Variants in SLC30A4 observed in about 807,000 individuals in gnomAD.
SLC30A4 encodes the protein solute carrier family 30 member 4.
A neutral mutation model predicts 41.7 loss-of-function variants in SLC30A4; 20 were observed. The observed-to-expected ratio is 0.48, with a 90% CI of 0.34 to 0.70. The LOEUF is 0.70. SLC30A4 is among the 30% of genes least tolerant of loss of function. The pLI, the probability that SLC30A4 is intolerant of heterozygous loss-of-function variation, is 0.01. For synonymous variants in SLC30A4, 181 were observed against 195.9 expected (o/e 0.92, Z 0.64); for missense variants, 441 against 529.3 (o/e 0.83, Z 1.64).
intron 2 of SLC30A4, among the ~76,000 whole-genome samples, chr15:45,513,382 C>CTT (rs746584532): frequency 7.3e-6 from 1 of 136,642 alleles, no homozygotes; most frequent in Non-Finnish European, 1.6e-5. Context: ...ATCTTTTTAT[C>CTT]TTTTTTTTTT....
chr15:45,497,548 A>T (rs1172950820), intron 3 of SLC30A4, among the ~76,000 whole-genome samples: 7 of 152,284 alleles, frequency 4.6e-5, no homozygotes, highest in African/African-American at 1.4e-4. Context: ...ATAGTCAATG[A>T]TCTAATAAAA....
intron 2 of SLC30A4, 60 bp from the exon 3 acceptor site, chr15:45,511,344 C>G: frequency 7.9e-7 from 1 of 1,272,158 alleles, no homozygotes; most frequent in Non-Finnish European, 1.1e-6. Context: ...AGCAAGCAAT[C>G]AAACTAGAAA....
intron 6 of SLC30A4, 142 bp from the exon 7 acceptor site, chr15:45,486,887 G>A: frequency 1.9e-6 from 1 of 516,758 alleles, no homozygotes; most frequent in Admixed American, 3.4e-5. Context: ...AATACTTCAA[G>A]ATAAACCATG....
intron 3 of SLC30A4, 114 bp from the exon 4 acceptor site, chr15:45,490,995 C>A (rs906372167): frequency 1.5e-6 from 1 of 652,136 alleles, no homozygotes; most frequent in African/African-American, 1.9e-5. Flanking sequence ...GATAAAAGCC[C>A]TCTATTGTTT....
At chr15:45,518,360 A>C (rs1199348624) in intron 2 of SLC30A4, among the ~76,000 whole-genome samples, 1 of 152,200 alleles carries the variant, frequency 6.6e-6, no homozygotes, top group Non-Finnish European at 1.5e-5. Flanking sequence ...TGTCTCTTCC[A>C]TTAAATTCTC....
At chr15:45,506,810 A>G (rs1054763225) in intron 3 of SLC30A4, among the ~76,000 whole-genome samples, 1 of 152,076 alleles carries the variant, frequency 6.6e-6, no homozygotes, top group Non-Finnish European at 1.5e-5. Flanking sequence ...CCTCCCTTTC[A>G]TTTTTTTAGA....
intron 3 of SLC30A4, among the ~76,000 whole-genome samples, chr15:45,491,544 T>C (rs766074006): frequency 7.2e-5 from 11 of 152,178 alleles, no homozygotes; most frequent in South Asian, 2.1e-4. Flanking sequence ...CTAGGCAACA[T>C]AGTGAGACTC....
At chr15:45,508,101 G>A (rs558640908) in intron 3 of SLC30A4, among the ~76,000 whole-genome samples, 1 of 152,226 alleles carries the variant, frequency 6.6e-6, no homozygotes, top group East Asian at 1.9e-4. Context: ...AGGATTGCAG[G>A]CATAAACCAC....
At chr15:45,517,166 T>A (rs574528309) in intron 2 of SLC30A4, among the ~76,000 whole-genome samples, 84 of 151,602 alleles carry the variant, frequency 5.5e-4, no homozygotes, top group African/African-American at 1.8e-3. Context: ...AAAAAAAAAA[T>A]TTGGAACACC....
chr15:45,511,014 T>C (rs1178631395), intron 3 of SLC30A4, 124 bp downstream of exon 3: 1 of 732,330 alleles, frequency 1.4e-6, no homozygotes, highest in African/African-American at 1.8e-5. Context: ...AAATTTTGTT[T>C]ATCTATTTTC....
chr15:45,489,232 G>T (rs1891763777), intron 4 of SLC30A4, among the ~76,000 whole-genome samples, 190 bp from the exon 5 acceptor site: 2 of 152,070 alleles, frequency 1.3e-5, no homozygotes, highest in Admixed American at 1.3e-4. Flanking sequence ...TACCCCCATG[G>T]AGCTTATGTT....
At chr15:45,509,000 G>C (rs1892220709) in intron 3 of SLC30A4, among the ~76,000 whole-genome samples, 1 of 151,992 alleles carries the variant, frequency 6.6e-6, no homozygotes, top group South Asian at 2.1e-4. Context: ...GAATTCCAAA[G>C]GGTTTATAAC....
chr15:45,517,765 G>T (rs988294430), intron 2 of SLC30A4, among the ~76,000 whole-genome samples: 5 of 151,768 alleles, frequency 3.3e-5, no homozygotes, highest in African/African-American at 1.2e-4. Flanking sequence ...TGGCTAACAC[G>T]GTGAAACCCC....
At chr15:45,503,807 G>A (rs1435514402) in intron 3 of SLC30A4, among the ~76,000 whole-genome samples, 2 of 152,026 alleles carry the variant, frequency 1.3e-5, no homozygotes, top group South Asian at 2.1e-4. Context: ...TTAACTGGGT[G>A]TGGTGGCACA....
intron 3 of SLC30A4, among the ~76,000 whole-genome samples, chr15:45,503,934 G>A (rs1892096137): frequency 6.6e-6 from 1 of 151,866 alleles, no homozygotes; most frequent in African/African-American, 2.4e-5. Flanking sequence ...CAACAAGAGT[G>A]GAACTCAGTC....
At chr15:45,490,948 T>C (rs575678845) in intron 3 of SLC30A4, 67 bp from the exon 4 acceptor site, 1 of 1,019,572 alleles carries the variant, frequency 9.8e-7, no homozygotes, top group South Asian at 2.3e-5. Flanking sequence ...ACCAACTAAA[T>C]ATTATATAGT....
chr15:45,503,539 C>A (rs189027670), intron 3 of SLC30A4, among the ~76,000 whole-genome samples: 66 of 151,928 alleles, frequency 4.3e-4, no homozygotes, highest in African/African-American at 1.4e-3. Flanking sequence ...TCGCTTCAAT[C>A]TGGGAGGGGC....
At position 45,484,179 on chromosome 15, in the gene SLC30A4, G is replaced by T. The variant is rs1217924961; in HGVS notation, c.*984C>A. On this transcript the variant is annotated 3_prime_UTR_variant, in exon 8 of 8. Transcript: ENST00000261867. ...AACCCTCTAGAGTTTACCCTGAAAG[G>T]CTAAACACACAGATGACCTGGAGTG... 10 of 152,622 alleles carry T rather than the reference G, an allele frequency of 6.6e-5. No individual in the cohort carries two copies. In the East Asian group the frequency reaches 1.9e-3, roughly 30 times the overall value. 9.5% of individuals were successfully genotyped at this position (152,622 alleles called of 1,614,324 possible).
At chr15:45,493,278 G>A (rs914321676) in intron 3 of SLC30A4, among the ~76,000 whole-genome samples, 4 of 152,054 alleles carry the variant, frequency 2.6e-5, no homozygotes, top group Non-Finnish European at 5.9e-5. Flanking sequence ...TATGAAACAA[G>A]CGTTAACCCT....
Sources: allele counts gnomAD v4.1 joint callset (sites outside exome capture counted in the v4.1 genomes callset), GRCh38; gene constraint gnomAD v4.1.1; transcripts MANE v1.5; gene names NCBI Gene and HGNC (gene_info 2026-07-23, HGNC 2026-07-21).